PDS5B: variants seen among roughly 807,000 people sequenced by gnomAD.
PDS5B encodes PDS5 cohesin associated factor B, also known as sister chromatid cohesion protein PDS5 homolog B.
A neutral mutation model predicts 184.1 loss-of-function variants in PDS5B; 51 were observed. That is an observed-to-expected ratio of 0.28 (90% CI 0.22 to 0.35). The LOEUF is 0.35. Ranked by LOEUF, PDS5B falls within the 10% of genes least tolerant of loss-of-function variation. PDS5B has a pLI of 1.00. For synonymous variants in PDS5B, 566 were observed against 569.2 expected (o/e 0.99, Z 0.08); for missense variants, 1,180 against 1,723.3 (o/e 0.68, Z 5.58).
In PDS5B at chr13:32,678,883, T is replaced by A; in HGVS notation, c.1011T>A (p.Ala337=). Residue 337 remains alanine (A), a synonymous_variant, in exon 10 of 35, where the codon GCT becomes GCA. Transcript: ENST00000315596. ...TCCGCCTGGAATGTGTGAAATTTGC[T>A]AGCCATTGTCTCATGAACCATCCTG... ...VPIRLECVKF[A]SHCLMNHPDL... is the part of the protein sequence containing the mutation. 6.2e-7 allele frequency: 1 copy of A among 1,609,744 alleles called. No homozygotes were observed. Among genetic ancestry groups the A allele is most frequent in the Non-Finnish European group, 8.5e-7 (1 of 1,176,092 alleles).
chr13:32,646,653 A>G (rs748213218), intron 1 of PDS5B, among the ~76,000 whole-genome samples: 2 of 151,434 alleles, frequency 1.3e-5, no homozygotes, highest in Non-Finnish European at 1.5e-5. Context: ...TACTTTCAGC[A>G]TGTATCCACT....
intron 17 of PDS5B, among the ~76,000 whole-genome samples, 199 bp from the exon 18 acceptor site, chr13:32,706,735 A>T (rs1952029704): frequency 6.6e-6 from 1 of 152,206 alleles, no homozygotes. Context: ...TGAATGGGCA[A>T]GGGAAAAGAA....
At chr13:32,632,341 A>G (rs1390247054) in intron 1 of PDS5B, among the ~76,000 whole-genome samples, 2 of 152,222 alleles carry the variant, frequency 1.3e-5, no homozygotes, top group Non-Finnish European at 2.9e-5. Flanking sequence ...AACCTAATTT[A>G]AAAGTGAGCA....
At chr13:32,725,128 T>G (rs758153862) in intron 19 of PDS5B, among the ~76,000 whole-genome samples, 14 of 152,204 alleles carry the variant, frequency 9.2e-5, no homozygotes, top group Admixed American at 1.3e-4. Context: ...CAAATTCTTA[T>G]CGATTCTTTG....
At chr13:32,616,899 T>C (rs1415531294) in intron 1 of PDS5B, among the ~76,000 whole-genome samples, 1 of 152,232 alleles carries the variant, frequency 6.6e-6, no homozygotes, top group South Asian at 2.1e-4. Context: ...AGAATTTTCC[T>C]TCTTTTCCTG....
At chr13:32,691,356 A>G (rs575967466) in intron 13 of PDS5B, 2 of 152,258 alleles carry the variant, frequency 1.3e-5, no homozygotes, top group South Asian at 4.1e-4. Context: ...ACTGTGCTAT[A>G]GAATTGCACT....
intron 17 of PDS5B, among the ~76,000 whole-genome samples, chr13:32,703,483 G>C (rs1157591570): frequency 6.6e-6 from 1 of 152,128 alleles, no homozygotes; most frequent in East Asian, 1.9e-4. Flanking sequence ...AATGTGCCTG[G>C]TGTTACTCTA....
intron 6 of PDS5B, 152 bp downstream of exon 6, chr13:32,659,432 G>A: frequency 2.2e-6 from 1 of 459,618 alleles, no homozygotes; most frequent in Non-Finnish European, 3.7e-6. Context: ...TGTGATTAAT[G>A]TGTAATAAAA....
chr13:32,650,692 C>T (rs1194245146), intron 2 of PDS5B: 1 of 152,072 alleles, frequency 6.6e-6, no homozygotes, highest in Non-Finnish European at 1.5e-5. Context: ...AATGTAGTGC[C>T]AGGTTGCAAG....
intron 1 of PDS5B, among the ~76,000 whole-genome samples, chr13:32,641,932 T>G (rs1468429421): frequency 2.0e-5 from 3 of 151,938 alleles, no homozygotes; most frequent in Admixed American, 2.0e-4. Context: ...GGCAGAGCTC[T>G]TTCTTGTACA....
intron 29 of PDS5B, 120 bp from the exon 30 acceptor site, chr13:32,760,454 TA>T (rs1954344762): frequency 2.3e-6 from 2 of 871,134 alleles, no homozygotes; most frequent in East Asian, 5.2e-5. Context: ...TGCTTAAGGA[TA>T]GACACATTTT....
chr13:32,624,536 A>G (rs1480066531), intron 1 of PDS5B, among the ~76,000 whole-genome samples: 1 of 152,206 alleles, frequency 6.6e-6, no homozygotes, highest in Non-Finnish European at 1.5e-5. Context: ...CATTTTTAAA[A>G]GTTTAAACAT....
At chr13:32,713,629 A>C (rs1283445572) in intron 19 of PDS5B, among the ~76,000 whole-genome samples, 2 of 152,252 alleles carry the variant, frequency 1.3e-5, no homozygotes, top group Non-Finnish European at 2.9e-5. Context: ...TCTGCATAGA[A>C]TATAGAGAAA....
At chr13:32,667,100 A>G (rs1476680819) in intron 6 of PDS5B, among the ~76,000 whole-genome samples, 1 of 152,164 alleles carries the variant, frequency 6.6e-6, no homozygotes, top group Non-Finnish European at 1.5e-5. Flanking sequence ...GTTTAAGGAT[A>G]TATACAGTGT....
chr13:32,706,279 A>AAAATAAATAAATAAATAAAT (rs60222106), intron 17 of PDS5B, among the ~76,000 whole-genome samples: 2 of 144,904 alleles, frequency 1.4e-5, no homozygotes, highest in African/African-American at 2.6e-5. Flanking sequence ...CTTCGTCTCA[A>AAAATAAATAAATAAATAAAT]AAATAAATAA....
In PDS5B at chr13:32,631,319, C is replaced by G. The variant is rs907587903; in HGVS notation, c.-19-17435C>G. 7.9e-5 allele frequency among the ~76,000 whole-genome samples: 12 copies of G among 152,116 alleles called. No homozygotes were observed. The East Asian group carries it at 2.3e-3, about 29-fold the overall frequency. ...TGTTGCCCAGGCTGGTCTCAAACTC[C>G]TGGGCTCAAGCAGTCCACCTGCCTT... On this transcript the variant is annotated intron_variant, in intron 1 of 34. Coordinates refer to ENST00000315596, the MANE Select transcript of PDS5B (RefSeq NM_015032.4).
intron 1 of PDS5B, among the ~76,000 whole-genome samples, chr13:32,612,209 C>G (rs2058154559): frequency 6.6e-6 from 1 of 151,936 alleles, no homozygotes. Flanking sequence ...TTTATTATAG[C>G]ATTTATCACC....
intron 9 of PDS5B, among the ~76,000 whole-genome samples, chr13:32,677,045 T>C (rs911752508): frequency 1.3e-5 from 2 of 151,954 alleles, no homozygotes; most frequent in Non-Finnish European, 2.9e-5. Flanking sequence ...AAACTGTCAG[T>C]GATTACTGTA....
intron 1 of PDS5B, among the ~76,000 whole-genome samples, chr13:32,627,986 G>T (rs182453432): frequency 6.6e-6 from 1 of 152,226 alleles, no homozygotes; most frequent in Admixed American, 6.5e-5. Context: ...TACTCTCTTG[G>T]CTCCTGCCAG....
Sources: allele counts gnomAD v4.1 joint callset (sites outside exome capture counted in the v4.1 genomes callset), GRCh38; gene constraint gnomAD v4.1.1; transcripts MANE v1.5; gene names NCBI Gene and HGNC (gene_info 2026-07-23, HGNC 2026-07-21).